The following ZNF160 variants were observed in gnomAD, a reference collection of about 807,000 sequenced individuals.
ZNF160 encodes the protein zinc finger protein 160, also known as KRAB zinc finger protein KR18.
Under a neutral mutation model 13.1 loss-of-function variants are expected in ZNF160, and 9 were observed. That is an observed-to-expected ratio of 0.69 (90% CI 0.41 to 1.20). ZNF160 has a LOEUF of 1.20. Among genes scored for constraint, ZNF160 ranks in the 50% most tolerant of loss-of-function variants. ZNF160 has a pLI of 0.01. For missense variants in ZNF160, 838 were observed against 988.0 expected (o/e 0.85, Z 2.04); for synonymous variants, 293 against 333.2 (o/e 0.88, Z 1.31).
chr19:53,099,690 G>A (rs2085373911), intron 1 of ZNF160, among the ~76,000 whole-genome samples: 2 of 152,092 alleles, frequency 1.3e-5, no homozygotes, highest in Non-Finnish European at 2.9e-5. Flanking sequence ...AATTGCAGTG[G>A]GCACTCCCCA....
At chr19:53,081,501 C>T (rs1206690476) in intron 3 of ZNF160, among the ~76,000 whole-genome samples, 1 of 151,840 alleles carries the variant, frequency 6.6e-6, no homozygotes, top group African/African-American at 2.4e-5. Flanking sequence ...GGCCAACAAG[C>T]GTATGAAAAA....
intron 3 of ZNF160, chr19:53,085,001 T>A (rs2084777413): frequency 5.8e-6 from 1 of 171,060 alleles, no homozygotes; most frequent in African/African-American, 2.4e-5. Flanking sequence ...TCACTCAGGC[T>A]GAAGTGCAGT....
intron 2 of ZNF160, among the ~76,000 whole-genome samples, chr19:53,088,731 C>G (rs1336590220): frequency 6.6e-6 from 1 of 152,170 alleles, no homozygotes; most frequent in Non-Finnish European, 1.5e-5. Context: ...CTCTGACACT[C>G]TAACACAGAA....
intron 1 of ZNF160, among the ~76,000 whole-genome samples, chr19:53,092,692 T>C (rs566368477): frequency 6.6e-6 from 1 of 152,334 alleles, no homozygotes; most frequent in African/African-American, 2.4e-5. Context: ...CTACTAGCAA[T>C]AATTTTATGG....
At chr19:53,086,085 G>A in intron 3 of ZNF160, 177 bp downstream of exon 3, 2 of 1,363,380 alleles carry the variant, frequency 1.5e-6, no homozygotes, top group Admixed American at 3.9e-5. Context: ...CCAAGTTCAT[G>A]TCACTGGATC....
At chr19:53,071,678 A>C (rs1288229905) in intron 5 of ZNF160, among the ~76,000 whole-genome samples, 1 of 151,964 alleles carries the variant, frequency 6.6e-6, no homozygotes, top group Non-Finnish European at 1.5e-5. Flanking sequence ...AAAATAAAAA[A>C]AAAATCGGGC....
Position 53,066,672 on chromosome 19 carries a change from TA to T in ZNF160, c.*1404del, listed in dbSNP as rs1301427083. 1 of 152,228 alleles carries T rather than the reference TA, an allele frequency of 6.6e-6. No homozygotes were observed. The highest frequency in any genetic ancestry group is 2.4e-5 in the African/African-American group (1 of 41,462). The allele number at this position is 152,228 out of a possible 1,614,324, so 9.4% of individuals were successfully genotyped here. On this transcript the variant is annotated 3_prime_UTR_variant, in exon 6 of 6. Coordinates refer to ENST00000683776, the MANE Select transcript of ZNF160 (RefSeq NM_001322131.2). ...CATTATATCTATGATACATTCTGAA[TA>T]AAACATTAGCAAAATGTGCTTCAAG...
Position 53,091,691 on chromosome 19 carries a change from A to C in ZNF160, c.-324T>G, listed in dbSNP as rs993254134. 1 of 152,274 alleles carries C rather than the reference A, an allele frequency of 6.6e-6. No homozygotes were observed. Among genetic ancestry groups the C allele is most frequent in the Admixed American group, 6.5e-5 (1 of 15,290 alleles). The allele number at this position is 152,274 out of a possible 1,614,324, so 9.4% of individuals were successfully genotyped here. ...GGAGCCGGGATCTCTCTAGGTCGTC[A>C]GGGGGCAGTGTTCGGATCCAGGAAC... is the stretch of plus-strand genomic sequence containing the variant. On this transcript the variant is annotated 5_prime_UTR_variant, in exon 2 of 6. Coordinates refer to ENST00000683776, the MANE Select transcript of ZNF160 (RefSeq NM_001322131.2).
intron 3 of ZNF160, among the ~76,000 whole-genome samples, chr19:53,076,580 G>A (rs556445827): frequency 8.5e-5 from 13 of 152,146 alleles, no homozygotes; most frequent in South Asian, 8.3e-4. Context: ...TAGAAGTTGC[G>A]GTGAGCCGAG....
At chr19:53,092,157 A>G (rs1296096042) in intron 1 of ZNF160, among the ~76,000 whole-genome samples, 1 of 152,244 alleles carries the variant, frequency 6.6e-6, no homozygotes, top group African/African-American at 2.4e-5. Flanking sequence ...ACCAAAGAAC[A>G]TAGATTACAA....
intron 3 of ZNF160, among the ~76,000 whole-genome samples, chr19:53,080,050 A>C (rs1192850151): frequency 2.6e-5 from 4 of 152,152 alleles, no homozygotes; most frequent in Admixed American, 2.0e-4. Context: ...CCTAGACCTG[A>C]TAAATGACTT....
intron 1 of ZNF160, among the ~76,000 whole-genome samples, chr19:53,101,152 C>T (rs7253566): frequency 0.15 from 22,513 of 150,766 alleles, 1,900 homozygotes; most frequent in Middle Eastern, 0.2. Flanking sequence ...TGGTGGCACA[C>T]ACCTGTAATC....
rs1253703395 is a variant in ZNF160, at chr19:53,084,359, G to A, written c.15+1903C>T. 4.6e-5 allele frequency among the ~76,000 whole-genome samples: 7 copies of A among 152,284 alleles called. No homozygotes were observed. In the East Asian group the frequency reaches 7.7e-4, roughly 17 times the overall value. ...GCAATGCAGTACCTTACGGCAGGAAGCCTGTACTTCTTCCCCTAAGCTAGC... is the reference window on the plus strand; with the variant it reads ...GCAATGCAGTACCTTACGGCAGGAAACCTGTACTTCTTCCCCTAAGCTAGC... On this transcript the variant is annotated intron_variant, in intron 3 of 5. Transcript: ENST00000683776.
rs1192040913 is a variant in ZNF160, at chr19:53,087,939, T to C, written c.-45-1618A>G. Among the ~76,000 whole-genome samples the C allele has an allele frequency of 5.3e-5, 8 of 152,188 alleles. No individual in the cohort carries two copies. In the South Asian group the frequency reaches 1.7e-3, roughly 31 times the overall value. On this transcript the variant is annotated intron_variant, in intron 2 of 5. Transcript: ENST00000683776. ...TTGGAGACAACTAGACACAGGATTCTAGACCTCAGAGGAGGGTCTGCAGGG... is the reference window on the plus strand; with the variant it reads ...TTGGAGACAACTAGACACAGGATTCCAGACCTCAGAGGAGGGTCTGCAGGG...
At chr19:53,074,397 GTGGCTC>G in intron 4 of ZNF160, 129 bp from the exon 5 acceptor site, 6 of 1,432,268 alleles carry the variant, frequency 4.2e-6, no homozygotes, top group Non-Finnish European at 5.5e-6. Context: ...GCCAGGCGCG[GTGGCTC>G]ATGCCTGTAA....
intron 1 of ZNF160, among the ~76,000 whole-genome samples, chr19:53,096,872 G>C (rs2085258958): frequency 7.9e-6 from 1 of 125,788 alleles, no homozygotes; most frequent in Non-Finnish European, 1.7e-5. Context: ...TGGGTGGACA[G>C]AAAGACTCCT....
At chr19:53,074,870 A>C (rs1354735303) in intron 4 of ZNF160, among the ~76,000 whole-genome samples, 187 bp downstream of exon 4, 2 of 152,142 alleles carry the variant, frequency 1.3e-5, no homozygotes, top group African/African-American at 4.8e-5. Flanking sequence ...ATGAAGTACA[A>C]AGGAGGCAGA....
intron 1 of ZNF160, chr19:53,095,758 C>T (rs999260458): frequency 1.3e-5 from 2 of 151,246 alleles, no homozygotes; most frequent in Non-Finnish European, 3.0e-5. Flanking sequence ...ACTCATCTCC[C>T]GTGGAATCCT....
chr19:53,077,244 C>G (rs2084428014), intron 3 of ZNF160: 1 of 152,154 alleles, frequency 6.6e-6, no homozygotes, highest in Non-Finnish European at 1.5e-5. Flanking sequence ...GAGGACGCAT[C>G]CTTAGAAAAG....
Sources: allele counts gnomAD v4.1 joint callset (sites outside exome capture counted in the v4.1 genomes callset), GRCh38; gene constraint gnomAD v4.1.1; transcripts MANE v1.5; gene names NCBI Gene and HGNC (gene_info 2026-07-23, HGNC 2026-07-21).